Variants in ZFHX3 observed in about 807,000 individuals in gnomAD.
The protein encoded by ZFHX3 is zinc finger homeobox 3, also known as zinc finger homeobox protein 3.
Under a neutral mutation model 279.1 loss-of-function variants are expected in ZFHX3, and 42 were observed. The ratio of observed to expected loss-of-function variants is 0.15; its 90% CI spans 0.12 to 0.19. ZFHX3 has a LOEUF of 0.19. Among genes scored for constraint, ZFHX3 ranks in the 10% least tolerant of loss-of-function variants. The probability of loss-of-function intolerance (pLI) is 1.00; values close to 1 mark genes in which losing one functional copy is unlikely to be tolerated. For missense variants in ZFHX3, 4,981 were observed against 4,754.0 expected, an observed-to-expected ratio of 1.05 and a Z score of -1.40; for synonymous variants, 2,293 against 1,957.8, an observed-to-expected ratio of 1.17 and a Z score of -4.52.
intron 1 of ZFHX3, among the ~76,000 whole-genome samples, chr16:73,882,233 G>A (rs1443765877): frequency 6.6e-6 from 1 of 151,990 alleles, no homozygotes; most frequent in Non-Finnish European, 1.5e-5. Flanking sequence ...TTTATGCCCC[G>A]AGACACGCAG....
intron 1 of ZFHX3, among the ~76,000 whole-genome samples, chr16:73,720,435 C>T (rs2639304): frequency 0.84 from 128,515 of 152,222 alleles, 54,699 homozygotes; most frequent in Non-Finnish European, 0.9. Context: ...ATTTCCGTAG[C>T]TAACTGTTAA....
chr16:73,051,115 G>A (rs1171935811), upstream of ZFHX3, among the ~76,000 whole-genome samples: 3 of 152,130 alleles, frequency 2.0e-5, no homozygotes, highest in Admixed American at 6.5e-5. Context: ...AGCGTAACCT[G>A]GGCTCTCTTT....
At chr16:73,591,329 G>A (rs1183344655) in intron 2 of ZFHX3, among the ~76,000 whole-genome samples, 1 of 151,474 alleles carries the variant, frequency 6.6e-6, no homozygotes, top group Non-Finnish European at 1.5e-5. Flanking sequence ...CTCCAGCCTG[G>A]GTGACAAAGC....
chr16:73,278,525 A>G (rs544386530), intron 4 of ZFHX3, among the ~76,000 whole-genome samples: 28 of 152,318 alleles, frequency 1.8e-4, no homozygotes, highest in African/African-American at 6.7e-4. Context: ...AGCAAGGTTT[A>G]TTGTGAAGAG....
At chr16:73,533,667 G>A (rs1436708319) in intron 2 of ZFHX3, among the ~76,000 whole-genome samples, 6 of 152,140 alleles carry the variant, frequency 3.9e-5, no homozygotes, top group South Asian at 2.1e-4. Context: ...AATCAATTAA[G>A]TCCAACTGTT....
In ZFHX3 at chr16:73,870,939, G is replaced by T. The variant is rs144923456; in HGVS notation, c.-1608+20712C>A. Among the ~76,000 whole-genome samples the T allele has an allele frequency of 3.0e-3, 457 of 152,100 alleles. 6 individuals carry two copies. The East Asian group carries it at 0.051, about 17-fold the overall frequency. On this transcript the variant is annotated intron_variant, in intron 1 of 17. Coordinates refer to the ZFHX3 transcript ENST00000641206. ...ATGGGCAATTTTTTTAATCTGAATC[G>T]TGTTTTGCATTGACTCAACAATTCA...
At chr16:72,939,715 C>G (rs1960316397) in intron 3 of ZFHX3, among the ~76,000 whole-genome samples, 1 of 152,222 alleles carries the variant, frequency 6.6e-6, no homozygotes, top group African/African-American at 2.4e-5. Flanking sequence ...CGGTGAAACC[C>G]TGTCTCTACT....
intron 7 of ZFHX3, among the ~76,000 whole-genome samples, chr16:73,095,248 T>C (rs569276820): frequency 2.0e-5 from 3 of 152,220 alleles, no homozygotes; most frequent in Admixed American, 6.5e-5. Flanking sequence ...CTTAATATTA[T>C]ACTGGATGAA....
At chr16:73,730,392 G>GAAAGA (rs1240325374) in intron 1 of ZFHX3, among the ~76,000 whole-genome samples, 12 of 136,184 alleles carry the variant, frequency 8.8e-5, no homozygotes, top group Admixed American at 3.7e-4. Context: ...GAGAGAGAAA[G>GAAAGA]AAAGAAAAGA....
At chr16:72,910,243 TTC>T (rs1442239706) in intron 3 of ZFHX3, among the ~76,000 whole-genome samples, 5 of 152,198 alleles carry the variant, frequency 3.3e-5, no homozygotes, top group Non-Finnish European at 5.9e-5. Context: ...AAATGTGGCC[TTC>T]TGAGTCTACG....
Position 73,219,747 on chromosome 16 carries a change from C to G in ZFHX3, c.-1104+37300G>C, listed in dbSNP as rs576371480. 3.9e-5 allele frequency among the ~76,000 whole-genome samples: 6 copies of G among 152,334 alleles called. No individual in the cohort carries two copies. The South Asian group carries it at 1.2e-3, about 32-fold the overall frequency. On this transcript the variant is annotated intron_variant, in intron 5 of 17. Transcript: ENST00000641206. ...TGGTGAGAGTTGAAGGCTGCCTCCC[C>G]CAGTCAGTAGGGTCCCAGGAAACTG...
chr16:73,219,055 C>G (rs2012312894), intron 5 of ZFHX3, among the ~76,000 whole-genome samples: 1 of 152,120 alleles, frequency 6.6e-6, no homozygotes, highest in Admixed American at 6.5e-5. Context: ...ATATGTAGCC[C>G]TTTGTGTCTG....
chr16:73,819,657 A>G (rs1440419658), intron 1 of ZFHX3, among the ~76,000 whole-genome samples: 1 of 152,166 alleles, frequency 6.6e-6, no homozygotes, highest in Non-Finnish European at 1.5e-5. Context: ...GTATAAGTCA[A>G]CAGGAGAGGG....
At chr16:73,845,012 G>C (rs951958423) in intron 1 of ZFHX3, among the ~76,000 whole-genome samples, 10 of 152,068 alleles carry the variant, frequency 6.6e-5, no homozygotes, top group African/African-American at 2.4e-4. Context: ...CAAAATGAGG[G>C]CTAAAGAAGG....
intron 5 of ZFHX3, among the ~76,000 whole-genome samples, chr16:73,180,332 CTCTT>C (rs2144877539): frequency 6.6e-6 from 1 of 152,252 alleles, no homozygotes; most frequent in East Asian, 1.9e-4. Flanking sequence ...TTTCATTCTT[CTCTT>C]TATTTTATTA....
At chr16:73,442,473 A>T (rs1423003588) in intron 3 of ZFHX3, among the ~76,000 whole-genome samples, 2 of 151,328 alleles carry the variant, frequency 1.3e-5, no homozygotes, top group African/African-American at 4.9e-5. Context: ...ATCTTTTTTA[A>T]ATTAAAAAAA....
chr16:73,325,572 G>C (rs2143209547), intron 3 of ZFHX3, among the ~76,000 whole-genome samples: 1 of 152,204 alleles, frequency 6.6e-6, no homozygotes, highest in South Asian at 2.1e-4. Flanking sequence ...GTGCGAAGTA[G>C]CTCTTCAAAG....
chr16:73,592,827 C>CA (rs1160408358), intron 2 of ZFHX3, among the ~76,000 whole-genome samples: 4 of 150,340 alleles, frequency 2.7e-5, no homozygotes, highest in Non-Finnish European at 5.9e-5. Context: ...AATAATTCAA[C>CA]AAAACTCGAA....
At chr16:73,834,542 A>G (rs1961087015) in intron 1 of ZFHX3, among the ~76,000 whole-genome samples, 1 of 152,234 alleles carries the variant, frequency 6.6e-6, no homozygotes, top group South Asian at 2.1e-4. Flanking sequence ...TGTCAGAGTT[A>G]GGCCAGGAAT....
Sources: gnomAD v4.1 joint callset for allele counts (sites outside exome capture counted in the v4.1 genomes callset) on GRCh38, gnomAD v4.1.1 for gene constraint, MANE v1.5 for transcripts, NCBI Gene and HGNC (gene_info 2026-07-23, HGNC 2026-07-21) for gene names.